Variants in FRMPD1 observed in about 807,000 individuals in gnomAD.
FRMPD1 encodes the protein FERM and PDZ domain-containing protein 1.
A neutral mutation model predicts 117.8 loss-of-function variants in FRMPD1; 76 were observed. The observed-to-expected ratio is 0.65, with a 90% CI of 0.54 to 0.78. FRMPD1 has a LOEUF of 0.78. Ranked by LOEUF, FRMPD1 falls within the 30% of genes least tolerant of loss-of-function variation. The pLI, the probability that FRMPD1 is intolerant of heterozygous loss-of-function variation, is 0.00. For missense variants in FRMPD1, 1,786 were observed against 1,964.5 expected (o/e 0.91, Z 1.72); for synonymous variants, 783 against 770.4 (o/e 1.02, Z -0.27).
intron 6 of FRMPD1, among the ~76,000 whole-genome samples, chr9:37,720,821 A>C (rs1823366196): frequency 6.6e-6 from 1 of 152,252 alleles, no homozygotes; most frequent in Non-Finnish European, 1.5e-5. Context: ...CGGGAGGCGG[A>C]GGTTGCAGTG....
chr9:37,698,303 C>T (rs920855285), intron 2 of FRMPD1, among the ~76,000 whole-genome samples: 3 of 152,106 alleles, frequency 2.0e-5, no homozygotes, highest in African/African-American at 7.2e-5. Context: ...AGATGACGAT[C>T]TAACTGGATT....
chr9:37,731,595 G>A (rs2118385277), intron 9 of FRMPD1, among the ~76,000 whole-genome samples: 1 of 152,258 alleles, frequency 6.6e-6, no homozygotes, highest in Non-Finnish European at 1.5e-5. Flanking sequence ...TTTGGAGCCG[G>A]GTGCGGTAGC....
chr9:37,685,594 G>T (rs1346807005), intron 1 of FRMPD1, among the ~76,000 whole-genome samples: 2 of 152,102 alleles, frequency 1.3e-5, no homozygotes, highest in South Asian at 4.1e-4. Flanking sequence ...GGAGATTGCG[G>T]TGAGCCGAGA....
At chr9:37,744,161 G>A (rs2118521876) in intron 15 of FRMPD1, among the ~76,000 whole-genome samples, 1 of 152,198 alleles carries the variant, frequency 6.6e-6, no homozygotes, top group South Asian at 2.1e-4. Context: ...CTGCACTCCA[G>A]CCTGGGTGAC....
intron 10 of FRMPD1, 75 bp downstream of exon 10, chr9:37,732,515 G>A: frequency 7.0e-7 from 1 of 1,422,904 alleles, no homozygotes; most frequent in Non-Finnish European, 9.5e-7. Context: ...AGATGCCACA[G>A]AAAGCTGATA....
chr9:37,637,148 G>A, the FRMPD1 span: 2 of 1,609,294 alleles, frequency 1.2e-6, no homozygotes, highest in Non-Finnish European at 1.7e-6. Flanking sequence ...CAGCTCGATG[G>A]TTTGGATCTT....
chr9:37,696,050 G>GC (rs1822310097), intron 2 of FRMPD1, among the ~76,000 whole-genome samples: 2 of 59,156 alleles, frequency 3.4e-5, no homozygotes, highest in Non-Finnish European at 6.8e-5. Context: ...CCATTGTTTT[G>GC]CTTTTTTTTT....
chr9:37,609,292 C>CAAA, the FRMPD1 span, among the ~76,000 whole-genome samples: 2 of 118,144 alleles, frequency 1.7e-5, no homozygotes, highest in East Asian at 4.9e-4. Context: ...AACTCCGTCT[C>CAAA]AAAAAAAAAA....
the FRMPD1 span, among the ~76,000 whole-genome samples, chr9:37,644,009 C>G: frequency 6.6e-6 from 1 of 152,144 alleles, no homozygotes; most frequent in Non-Finnish European, 1.5e-5. Flanking sequence ...GAGCTGTGTA[C>G]CCTAGTGTGG....
chr9:37,659,605 A>G (rs901302678), intron 1 of FRMPD1, among the ~76,000 whole-genome samples: 1 of 152,150 alleles, frequency 6.6e-6, no homozygotes, highest in Non-Finnish European at 1.5e-5. Context: ...CACATAGTGG[A>G]AGACTTATGT....
rs139248307 is a variant in FRMPD1, at chr9:37,745,049, T to G, written c.3017T>G (p.Ile1006Arg). The change falls in exon 16 of 16, where the codon ATA becomes AGA. Residue 1006 changes from isoleucine to arginine, a missense_variant. Physicochemically the swap from Ile to Arg is moderately conservative, Grantham distance 97. Transcript: ENST00000377765. ...GGGATTGCCCCCAAAGAACCAACCATAGAGCATGGAGACAGCTCCTTCTCC... is the reference window on the plus strand; with the variant it reads ...GGGATTGCCCCCAAAGAACCAACCAGAGAGCATGGAGACAGCTCCTTCTCC... ...LDGIAPKEPT[I>R]EHGDSSFSLS... The G allele has an allele frequency of 6.2e-7, 1 of 1,614,042 alleles. No homozygotes were observed. The highest frequency in any genetic ancestry group is 1.7e-5 in the Admixed American group (1 of 60,012).
chr9:37,669,255 T>C (rs1821266455), intron 1 of FRMPD1, among the ~76,000 whole-genome samples: 1 of 152,226 alleles, frequency 6.6e-6, no homozygotes, highest in African/African-American at 2.4e-5. Context: ...GCCTATGCCA[T>C]ATACCACAGC....
chr9:37,615,274 A>T, the FRMPD1 span, among the ~76,000 whole-genome samples: 1 of 151,684 alleles, frequency 6.6e-6, no homozygotes, highest in Non-Finnish European at 1.5e-5. Context: ...TGCCTGGCTA[A>T]TTTTTTTGTA....
chr9:37,662,429 A>T (rs1286707647), intron 1 of FRMPD1, among the ~76,000 whole-genome samples: 2 of 152,128 alleles, frequency 1.3e-5, no homozygotes, highest in Non-Finnish European at 2.9e-5. Flanking sequence ...CCCAGAGCAA[A>T]TACAGATGGA....
At chr9:37,610,024 C>G in the FRMPD1 span, among the ~76,000 whole-genome samples, 6 of 152,220 alleles carry the variant, frequency 3.9e-5, no homozygotes, top group Non-Finnish European at 8.8e-5. Context: ...CAACTACCCC[C>G]GGCCAGCAGT....
chr9:37,708,360 C>T, intron 3 of FRMPD1, 39 bp from the exon 4 acceptor site: 1 of 1,289,978 alleles, frequency 7.8e-7, no homozygotes, highest in Non-Finnish European at 1.1e-6. Flanking sequence ...TCTGGGTCCT[C>T]CCGGCATGAG....
At chr9:37,706,052 T>G (rs932006022) in intron 2 of FRMPD1, among the ~76,000 whole-genome samples, 1 of 152,032 alleles carries the variant, frequency 6.6e-6, no homozygotes, top group Non-Finnish European at 1.5e-5. Flanking sequence ...TAGTGTGAAT[T>G]TTCAGTTTTC....
chr9:37,692,504 G>C, intron 1 of FRMPD1, 134 bp from the exon 2 acceptor site: 1 of 676,254 alleles, frequency 1.5e-6, no homozygotes, highest in Non-Finnish European at 2.6e-6. Context: ...GTTGATTTTA[G>C]ACTAAGGGAG....
At chr9:37,698,454 TG>T (rs1822406711) in intron 2 of FRMPD1, among the ~76,000 whole-genome samples, 1 of 151,970 alleles carries the variant, frequency 6.6e-6, no homozygotes. Context: ...GACCTGTTTC[TG>T]GGCTGGCTAT....
Sources: gnomAD v4.1 joint callset for allele counts (sites outside exome capture counted in the v4.1 genomes callset) on GRCh38, gnomAD v4.1.1 for gene constraint, MANE v1.5 for transcripts, NCBI Gene and HGNC (gene_info 2026-07-23, HGNC 2026-07-21) for gene names.